ST6GALNAC3: variants seen among roughly 807,000 people sequenced by gnomAD.
ST6GALNAC3 encodes alpha-N-acetylgalactosaminide alpha-2,6-sialyltransferase 3.
A neutral mutation model predicts 32.7 loss-of-function variants in ST6GALNAC3; 25 were observed. The ratio of observed to expected loss-of-function variants is 0.76; its 90% CI spans 0.56 to 1.07. The LOEUF (loss-of-function observed/expected upper bound fraction) is 1.07, where lower values mean the gene tolerates loss of function less well. ST6GALNAC3 is among the 50% of genes least tolerant of loss of function. ST6GALNAC3 has a pLI of 0.00. For synonymous variants in ST6GALNAC3, 129 were observed against 133.1 expected (o/e 0.97, Z 0.21); for missense variants, 355 against 382.4 (o/e 0.93, Z 0.60).
chr1:76,270,208 A>G (rs933570172), intron 1 of ST6GALNAC3, among the ~76,000 whole-genome samples: 2 of 152,176 alleles, frequency 1.3e-5, no homozygotes, highest in Admixed American at 1.3e-4. Context: ...ACTTGACAAA[A>G]TGAAAAGTTG....
intron 1 of ST6GALNAC3, among the ~76,000 whole-genome samples, chr1:76,200,504 G>A (rs1241922527): frequency 1.3e-5 from 2 of 152,110 alleles, no homozygotes; most frequent in African/African-American, 4.8e-5. Context: ...ATGGTTGCCT[G>A]CATGTGGGAG....
At chr1:76,619,831 G>A (rs948329823) in intron 3 of ST6GALNAC3, among the ~76,000 whole-genome samples, 9 of 152,106 alleles carry the variant, frequency 5.9e-5, no homozygotes, top group African/African-American at 2.2e-4. Context: ...AACATCACAG[G>A]CCATTCCTTC....
At chr1:76,350,215 C>T (rs1033025889) in intron 2 of ST6GALNAC3, among the ~76,000 whole-genome samples, 2 of 151,894 alleles carry the variant, frequency 1.3e-5, no homozygotes, top group Admixed American at 6.6e-5. Context: ...TTTAAAGCAA[C>T]GGGGTCTCCC....
At chr1:76,344,998 C>A (rs1045823796) in intron 2 of ST6GALNAC3, among the ~76,000 whole-genome samples, 11 of 152,198 alleles carry the variant, frequency 7.2e-5, no homozygotes, top group Non-Finnish European at 1.2e-4. Context: ...TCAAGTCCTA[C>A]CTGTCTTCGC....
At chr1:76,117,480 G>C (rs930159550) in intron 1 of ST6GALNAC3, among the ~76,000 whole-genome samples, 1 of 152,164 alleles carries the variant, frequency 6.6e-6, no homozygotes, top group Non-Finnish European at 1.5e-5. Flanking sequence ...TCTTTTAGAA[G>C]GTGATGCAAA....
intron 3 of ST6GALNAC3, among the ~76,000 whole-genome samples, chr1:76,453,282 C>G (rs1474402312): frequency 6.6e-6 from 1 of 151,762 alleles, no homozygotes; most frequent in East Asian, 1.9e-4. Context: ...TCATTTAGTT[C>G]TGTTTGGATC....
intron 2 of ST6GALNAC3, among the ~76,000 whole-genome samples, chr1:76,368,892 G>A (rs1650595403): frequency 6.6e-6 from 1 of 152,108 alleles, no homozygotes; most frequent in African/African-American, 2.4e-5. Context: ...GGCAGTCTGT[G>A]TCTACTAACA....
intron 1 of ST6GALNAC3, among the ~76,000 whole-genome samples, chr1:76,146,796 T>G (rs1490076098): frequency 2.6e-5 from 4 of 152,224 alleles, no homozygotes; most frequent in African/African-American, 9.6e-5. Flanking sequence ...AAATTAGAAC[T>G]TTTAATATGC....
chr1:76,161,182 C>T (rs925287507), intron 1 of ST6GALNAC3, among the ~76,000 whole-genome samples: 5 of 152,164 alleles, frequency 3.3e-5, no homozygotes, highest in African/African-American at 1.2e-4. Context: ...ATTCCTTCTC[C>T]AAGGTTCTCA....
At chr1:76,289,817 T>C (rs913850895) in intron 1 of ST6GALNAC3, among the ~76,000 whole-genome samples, 1 of 152,214 alleles carries the variant, frequency 6.6e-6, no homozygotes, top group African/African-American at 2.4e-5. Flanking sequence ...CTTGGTTATG[T>C]GCACAGGGAG....
chr1:76,328,369 C>T (rs1647120875), intron 2 of ST6GALNAC3, among the ~76,000 whole-genome samples: 1 of 152,132 alleles, frequency 6.6e-6, no homozygotes, highest in Non-Finnish European at 1.5e-5. Flanking sequence ...CTGATTATCT[C>T]GCTGCAGTCC....
intron 3 of ST6GALNAC3, among the ~76,000 whole-genome samples, chr1:76,526,854 TGTTCG>T (rs1473884762): frequency 6.6e-6 from 1 of 152,130 alleles, no homozygotes; most frequent in Non-Finnish European, 1.5e-5. Flanking sequence ...TTGTTTATGA[TGTTCG>T]GTCTTTAATA....
At chr1:76,312,465 A>G (rs887769419) in intron 1 of ST6GALNAC3, among the ~76,000 whole-genome samples, 2 of 152,300 alleles carry the variant, frequency 1.3e-5, no homozygotes, top group Middle Eastern at 3.4e-3. Flanking sequence ...AGCAAAAGAA[A>G]CTACCATCAG....
At chr1:76,584,541 T>C (rs750460714) in intron 3 of ST6GALNAC3, among the ~76,000 whole-genome samples, 1 of 152,242 alleles carries the variant, frequency 6.6e-6, no homozygotes, top group Non-Finnish European at 1.5e-5. Flanking sequence ...CATTAAGGCA[T>C]AGCAATATTT....
At chr1:76,273,763 A>C (rs1453985851) in intron 1 of ST6GALNAC3, among the ~76,000 whole-genome samples, 1 of 152,224 alleles carries the variant, frequency 6.6e-6, no homozygotes, top group South Asian at 2.1e-4. Flanking sequence ...TCATCAATCC[A>C]TGAATCTCAC....
intron 3 of ST6GALNAC3, among the ~76,000 whole-genome samples, chr1:76,458,831 A>C (rs1658059845): frequency 6.6e-6 from 1 of 151,934 alleles, no homozygotes; most frequent in East Asian, 1.9e-4. Flanking sequence ...ACATGTGTAC[A>C]TATGTAACTA....
chr1:76,470,436 A>G (rs1658941585), intron 3 of ST6GALNAC3, among the ~76,000 whole-genome samples: 1 of 152,116 alleles, frequency 6.6e-6, no homozygotes, highest in Non-Finnish European at 1.5e-5. Context: ...GTTTCTGTAT[A>G]TAAAACCAAT....
At chr1:76,626,953 T>C (rs969571906) in intron 3 of ST6GALNAC3, among the ~76,000 whole-genome samples, 29 of 151,924 alleles carry the variant, frequency 1.9e-4, no homozygotes, top group African/African-American at 6.5e-4. Flanking sequence ...TCAGATGCTT[T>C]CATTTCAAGT....
chr1:76,306,611 G>T (rs1367427472), intron 1 of ST6GALNAC3, among the ~76,000 whole-genome samples: 1 of 150,118 alleles, frequency 6.7e-6, no homozygotes, highest in African/African-American at 2.4e-5. Flanking sequence ...CAAAAAGCCA[G>T]TCCTAGAGAA....
Sources: allele counts gnomAD v4.1 joint callset (sites outside exome capture counted in the v4.1 genomes callset), GRCh38; gene constraint gnomAD v4.1.1; transcripts MANE v1.5; gene names NCBI Gene and HGNC (gene_info 2026-07-23, HGNC 2026-07-21).